DENND3: variants seen among roughly 807,000 people sequenced by gnomAD.
DENND3 encodes the protein DENN domain containing 3, also known as DENN domain-containing protein 3.
DENND3 carries 88 observed loss-of-function variants against 135.1 expected under a neutral mutation model. The ratio of observed to expected loss-of-function variants is 0.65; its 90% CI spans 0.55 to 0.78. The LOEUF (loss-of-function observed/expected upper bound fraction) is 0.78, where lower values mean the gene tolerates loss of function less well. DENND3 is among the 30% of genes least tolerant of loss of function. The pLI is 0.00. For missense variants in DENND3, 1,392 were observed against 1,688.4 expected (o/e 0.82, Z 3.08); for synonymous variants, 693 against 712.3 (o/e 0.97, Z 0.43).
Position 141,166,453 on chromosome 8 carries a change from T to C in DENND3, c.1753+64T>C, listed in dbSNP as rs1820810754. 11 of 1,527,808 alleles carry C rather than the reference T, an allele frequency of 7.2e-6. No individual in the cohort carries two copies. Among genetic ancestry groups the C allele is most frequent in the Non-Finnish European group, 9.7e-6 (11 of 1,135,916 alleles). 94.6% of individuals were successfully genotyped at this position (1,527,808 alleles called of 1,614,324 possible). A position where few individuals can be genotyped will look rare whatever the true frequency, so the allele number is the denominator to read the frequency against. ...CCACCATTCCTGCACCTGCAAGTCATTGAGCAAAACTGGGACTTGTTTCAG... is the reference window on the plus strand; with the variant it reads ...CCACCATTCCTGCACCTGCAAGTCACTGAGCAAAACTGGGACTTGTTTCAG... On this transcript the variant is annotated intron_variant, in intron 12 of 22. Transcript: ENST00000519811. The surrounding 1 kb of genome is among the most constrained non-coding windows in gnomAD (Gnocchi z 4.3).
rs929401104 is a variant in DENND3, at chr8:141,144,914, A to G, written c.735+655A>G. Among the ~76,000 whole-genome samples, 1 of 152,276 alleles carries G rather than the reference A, an allele frequency of 6.6e-6. No individual in the cohort carries two copies. The highest frequency in any genetic ancestry group is 2.4e-5 in the African/African-American group (1 of 41,470). On this transcript the variant is annotated intron_variant, in intron 5 of 22. Transcript: ENST00000519811. This position sits in a 1 kb window ranked among gnomAD's most constrained non-coding sequence, Gnocchi z 4.4. The stretch of plus-strand genomic sequence containing the variant: ...GACTCTGGTATAGCATCCATGACAG[A>G]TAGCAGACCCTGAAGAAAATCAAAG...
intron 15 of DENND3, 91 bp downstream of exon 15, chr8:141,176,852 G>C (rs564662578): frequency 6.8e-7 from 1 of 1,470,178 alleles, no homozygotes; most frequent in East Asian, 2.3e-5. Context: ...TCAGCTGTGA[G>C]TGCTCGGGCT....
chr8:141,158,830 A>G (rs1819772087), intron 8 of DENND3, among the ~76,000 whole-genome samples: 1 of 152,104 alleles, frequency 6.6e-6, no homozygotes, highest in South Asian at 2.1e-4. Flanking sequence ...GCTCAGGGCT[A>G]TGCTGGCTGC....
chr8:141,142,203 C>G (rs1482340671), intron 4 of DENND3: 1 of 346,854 alleles, frequency 2.9e-6, no homozygotes, highest in Non-Finnish European at 5.7e-6. Flanking sequence ...AGCCCAAGTT[C>G]AGACATGGTC....
In DENND3 at chr8:141,141,300, A is replaced by G. The variant is rs1185218445; in HGVS notation, c.599A>G (p.Asn200Ser). ...GTGGTCTCCAGGTTTCCCTATTACA[A>G]CTCCCTCAAGGACTGCCTTTCCTGG... ...VCVVSRFPYY[N>S]SLKDCLSCLL... Residue 200 changes from asparagine to serine, a missense_variant, in exon 4 of 23, where the codon AAC becomes AGC. By Grantham distance (46) the Asn-to-Ser change is conservative. Coordinates refer to ENST00000519811, the MANE Select transcript of DENND3 (RefSeq NM_001352890.3). The surrounding 1 kb of genome is among the most constrained non-coding windows in gnomAD (Gnocchi z 5.3). The G allele has an allele frequency of 6.2e-7, 1 of 1,607,688 alleles. No homozygotes were observed.
rs755693084 is a variant in DENND3 at position 141,168,386 on chromosome 8, G to A, written c.2136G>A (p.Ser712=). ...SEILDKPHEA[S]KLDDHVKKFK... is the part of the protein sequence containing the mutation. ...TCCTGGACAAGCCGCACGAGGCCTCGAAGCTGGACGACCACGTGAAGAAGT... is the reference window on the plus strand; with the variant it reads ...TCCTGGACAAGCCGCACGAGGCCTCAAAGCTGGACGACCACGTGAAGAAGT... The change falls in exon 13 of 23, where the codon TCG becomes TCA. Residue 712 remains serine, a synonymous_variant. Coordinates refer to ENST00000519811, the MANE Select transcript of DENND3 (RefSeq NM_001352890.3). The surrounding 1 kb of genome is among the most constrained non-coding windows in gnomAD (Gnocchi z 6.2). 1.4e-4 allele frequency: 230 copies of A among 1,613,780 alleles called. No individual in the cohort carries two copies. Among genetic ancestry groups the A allele is most frequent in the Middle Eastern group, 3.3e-4 (2 of 6,084 alleles).
intron 17 of DENND3, among the ~76,000 whole-genome samples, chr8:141,181,789 T>TTTTTTTTTTTTTTTTGAGACG (rs1255868758): frequency 6.6e-6 from 1 of 152,180 alleles, no homozygotes; most frequent in African/African-American, 2.4e-5. Context: ...TTTATTTTTT[T>TTTTTTTTTTTTTTTTGAGACG]GAGTCAGGGT....
At chr8:141,163,734 C>T (rs542595960) in intron 10 of DENND3, among the ~76,000 whole-genome samples, 1 of 151,844 alleles carries the variant, frequency 6.6e-6, no homozygotes, top group African/African-American at 2.4e-5. Flanking sequence ...ATGGTGAAAT[C>T]CCATCTCTAC....
At position 141,192,581 on chromosome 8, in the gene DENND3, T is replaced by G; in HGVS notation, c.3554T>G (p.Leu1185Arg). 1 of 1,580,932 alleles carries G rather than the reference T, an allele frequency of 6.3e-7. No individual in the cohort carries two copies. The highest frequency in any genetic ancestry group is 8.6e-7 in the Non-Finnish European group (1 of 1,160,998). Residue 1185 changes from leucine (L) to arginine (R), a missense_variant, in exon 22 of 23, where the codon CTG becomes CGG. Transcript: ENST00000519811. Reference sequence around the variant, plus strand: ...CGCAGCGAGGTTTACATCTGGAGCCTGAAGGACCTGGCCCAGCCCCCGCAG... The same window carrying G: ...CGCAGCGAGGTTTACATCTGGAGCCGGAAGGACCTGGCCCAGCCCCCGCAG... ...AGRSEVYIWS[L>R]KDLAQPPQRV...
chr8:141,153,583 C>G (rs1234068282), intron 7 of DENND3, among the ~76,000 whole-genome samples: 4 of 152,202 alleles, frequency 2.6e-5, no homozygotes, highest in Non-Finnish European at 5.9e-5. Flanking sequence ...GTTGGCTGGG[C>G]CCGGCCAGGG....
rs1660402278 is a variant in DENND3 at position 141,167,990 on chromosome 8, C to A, written c.1754-14C>A. 3 of 1,598,068 alleles carry A rather than the reference C, an allele frequency of 1.9e-6. No homozygotes were observed. The highest frequency in any genetic ancestry group is 2.6e-6 in the Non-Finnish European group (3 of 1,169,910). On this transcript the variant is annotated splice_polypyrimidine_tract_variant and intron_variant, in intron 12 of 22. Transcript: ENST00000519811. The surrounding 1 kb of genome is among the most constrained non-coding windows in gnomAD (Gnocchi z 4.1). Reference sequence around the variant, plus strand: ...TCTGTGCTAATGGTCTCCTTTTCCCCCTGAATGTTTTAGTTCTGAATGTCA... The same window carrying A: ...TCTGTGCTAATGGTCTCCTTTTCCCACTGAATGTTTTAGTTCTGAATGTCA...
At chr8:141,148,915 C>CTT (rs747154335) in intron 5 of DENND3, among the ~76,000 whole-genome samples, 20 of 143,934 alleles carry the variant, frequency 1.4e-4, no homozygotes, top group African/African-American at 4.3e-4. Context: ...ATGAATCTGC[C>CTT]TTTTTTTTTT....
chr8:141,192,749 C>T, intron 22 of DENND3, 86 bp downstream of exon 22: 1 of 1,607,740 alleles, frequency 6.2e-7, no homozygotes, highest in Non-Finnish European at 8.5e-7. Context: ...GAGCCAGCCG[C>T]ACGCCCTCGT....
chr8:141,191,380 C>G (rs956077502), intron 20 of DENND3: 2 of 152,274 alleles, frequency 1.3e-5, no homozygotes, highest in African/African-American at 4.8e-5. Context: ...TTCCTTCTTG[C>G]AGGGTAATAG....
intron 4 of DENND3, chr8:141,142,447 C>A (rs1817584710): frequency 2.2e-6 from 1 of 455,442 alleles, no homozygotes. Flanking sequence ...GGACGAGCCC[C>A]ATGGAGAGTG....
chr8:141,189,561 A>G (rs949188252), intron 19 of DENND3, among the ~76,000 whole-genome samples: 4 of 152,208 alleles, frequency 2.6e-5, no homozygotes, highest in Non-Finnish European at 5.9e-5. Flanking sequence ...GCAGCACTGG[A>G]CACGGGGCAT....
chr8:141,189,050 T>A lies in DENND3; in HGVS notation c.3149T>A (p.Ile1050Asn). ...GGCTCGGAAGACTCCGTCATCTACA[T>A]CATCAACGTCCACAGCATGTCCTGC... is the stretch of plus-strand genomic sequence containing the variant. Reference protein sequence around the residue: ...WVGSEDSVIYIINVHSMSCNK... With the variant: ...WVGSEDSVIYNINVHSMSCNK... The change falls in exon 19 of 23, where the codon ATC becomes AAC. Residue 1050 changes from isoleucine to asparagine, a missense_variant. Ile to Asn is a moderately radical substitution (Grantham distance 149). Coordinates refer to ENST00000519811, the MANE Select transcript of DENND3 (RefSeq NM_001352890.3). 1 of 1,614,170 alleles carries A rather than the reference T, an allele frequency of 6.2e-7. No individual in the cohort carries two copies.
intron 8 of DENND3, among the ~76,000 whole-genome samples, chr8:141,160,192 TTTTA>T (rs1387195744): frequency 1.0e-4 from 10 of 96,902 alleles, no homozygotes; most frequent in Admixed American, 1.0e-4. Context: ...TTTTTTTTTT[TTTTA>T]AGACAGAGTT....
intron 8 of DENND3, chr8:141,157,667 T>C: frequency 1.0e-6 from 1 of 986,046 alleles, no homozygotes; most frequent in South Asian, 4.7e-5. Flanking sequence ...GCCTGGCCTT[T>C]CACCTGGCTT....
Sources: gnomAD v4.1 joint callset for allele counts (sites outside exome capture counted in the v4.1 genomes callset) on GRCh38, gnomAD v4.1.1 for gene constraint, Gnocchi (gnomAD v3.1) non-coding constraint, MANE v1.5 for transcripts, NCBI Gene and HGNC (gene_info 2026-07-23, HGNC 2026-07-21) for gene names.